Variants in TMEM116 observed in about 807,000 individuals in gnomAD.
The protein encoded by TMEM116 is transmembrane protein 116.
A neutral mutation model predicts 44.3 loss-of-function variants in TMEM116; 38 were observed. The ratio of observed to expected loss-of-function variants is 0.86; its 90% CI spans 0.66 to 1.12. The LOEUF (loss-of-function observed/expected upper bound fraction) is 1.12, where lower values mean the gene tolerates loss of function less well. Among genes scored for constraint, TMEM116 ranks in the 50% most tolerant of loss-of-function variants. TMEM116 has a pLI of 0.00. For missense variants in TMEM116, 354 were observed against 401.7 expected, an observed-to-expected ratio of 0.88 and a Z score of 1.01; for synonymous variants, 132 against 144.8, an observed-to-expected ratio of 0.91 and a Z score of 0.64.
chr12:111,994,649 A>T (rs1201425147), intron 3 of TMEM116, among the ~76,000 whole-genome samples: 2 of 152,228 alleles, frequency 1.3e-5, no homozygotes, highest in Non-Finnish European at 2.9e-5. Flanking sequence ...AATTTACAAC[A>T]TAGTGTGTGT....
At chr12:111,950,386 A>G (rs1389527957) in intron 4 of TMEM116, among the ~76,000 whole-genome samples, 1 of 151,122 alleles carries the variant, frequency 6.6e-6, no homozygotes, top group African/African-American at 2.4e-5. Context: ...GCTTATGCCT[A>G]CCTCTTTCAC....
chr12:111,968,479 C>G (rs2075112573), intron 4 of TMEM116, among the ~76,000 whole-genome samples: 1 of 151,988 alleles, frequency 6.6e-6, no homozygotes, highest in South Asian at 2.1e-4. Flanking sequence ...ATCTAGCACC[C>G]AAGAAGATAA....
intron 4 of TMEM116, among the ~76,000 whole-genome samples, chr12:111,960,591 G>A (rs577744029): frequency 2.6e-4 from 38 of 148,654 alleles, no homozygotes; most frequent in Non-Finnish European, 4.3e-4. Context: ...GGTAAATAAC[G>A]AAATTAAGGA....
At chr12:111,961,820 G>C (rs1423072432) in intron 4 of TMEM116, among the ~76,000 whole-genome samples, 1 of 152,130 alleles carries the variant, frequency 6.6e-6, no homozygotes, top group Non-Finnish European at 1.5e-5. Context: ...TTCTGGTCAG[G>C]GCAATCAGGC....
intron 4 of TMEM116, among the ~76,000 whole-genome samples, chr12:111,974,341 G>C (rs2075538793): frequency 6.6e-6 from 1 of 152,052 alleles, no homozygotes; most frequent in Non-Finnish European, 1.5e-5. Flanking sequence ...CTGCAATCAG[G>C]CAGGGGAAAG....
chr12:111,941,396 A>G lies in TMEM116; in HGVS notation c.315+1869T>C, dbSNP rs552803499. Among the ~76,000 whole-genome samples the G allele has an allele frequency of 2.5e-3, 378 of 152,102 alleles. 4 individuals are homozygous for G. The highest frequency in any genetic ancestry group is 8.6e-3 in the African/African-American group (357 of 41,520). ...TCTCAAAAAAAAAAAAAAAAGAGTAATTATTAGTATGGAATACCCAGAGGT... is the reference window on the plus strand; with the variant it reads ...TCTCAAAAAAAAAAAAAAAAGAGTAGTTATTAGTATGGAATACCCAGAGGT... On this transcript the variant is annotated intron_variant, in intron 5 of 10. Coordinates refer to ENST00000552374, the MANE Select transcript of TMEM116 (RefSeq NM_001193531.2).
chr12:111,931,523 G>A lies in TMEM116; in HGVS notation c.*98C>T. The stretch of plus-strand genomic sequence containing the variant: ...TTTCCTTTGAGTTCTGCAGTTTAGG[G>A]CATAGTTAGAAAAGATTTAAGATGT... On this transcript the variant is annotated 3_prime_UTR_variant, in exon 11 of 11. Transcript: ENST00000552374. 2 of 1,182,224 alleles carry A rather than the reference G, an allele frequency of 1.7e-6. No individual in the cohort carries two copies. The highest frequency in any genetic ancestry group is 1.2e-6 in the Non-Finnish European group (1 of 812,528). The allele number at this position is 1,182,224 out of a possible 1,614,324, so 73.2% of individuals were successfully genotyped here.
intron 5 of TMEM116, among the ~76,000 whole-genome samples, chr12:111,943,031 C>A (rs1471746039): frequency 1.3e-5 from 2 of 151,860 alleles, no homozygotes; most frequent in East Asian, 3.9e-4. Context: ...AAGTGATCCT[C>A]CCACTTCAGC....
chr12:111,972,873 T>C (rs2075438448), intron 4 of TMEM116, among the ~76,000 whole-genome samples: 1 of 151,246 alleles, frequency 6.6e-6, no homozygotes, highest in Non-Finnish European at 1.5e-5. Flanking sequence ...CAAGACTCTG[T>C]CTCAAAAAGA....
At chr12:111,994,329 C>T (rs1253753799) in intron 3 of TMEM116, among the ~76,000 whole-genome samples, 3 of 152,018 alleles carry the variant, frequency 2.0e-5, no homozygotes, top group African/African-American at 7.2e-5. Context: ...TAAGACTTAT[C>T]GTGGGATCTG....
At chr12:111,933,492 T>C (rs546309031) in intron 9 of TMEM116, among the ~76,000 whole-genome samples, 7 of 147,574 alleles carry the variant, frequency 4.7e-5, no homozygotes, top group South Asian at 4.3e-4. Flanking sequence ...CATCCTTCTT[T>C]TTTTTTTTTT....
intron 6 of TMEM116, 63 bp downstream of exon 6, chr12:111,938,098 C>G: frequency 2.6e-6 from 3 of 1,153,630 alleles, no homozygotes; most frequent in Non-Finnish European, 3.8e-6. Context: ...CCTATTTGTT[C>G]CCACCTGAAC....
chr12:112,009,441 T>C (rs1175017979), intron 1 of TMEM116, among the ~76,000 whole-genome samples: 3 of 151,798 alleles, frequency 2.0e-5, no homozygotes, highest in African/African-American at 4.8e-5. Context: ...GATCTTAGTA[T>C]TGATCCCAAA....
intron 4 of TMEM116, among the ~76,000 whole-genome samples, chr12:111,953,503 C>A (rs1258390487): frequency 6.6e-6 from 1 of 152,144 alleles, no homozygotes; most frequent in Non-Finnish European, 1.5e-5. Flanking sequence ...GGTTCTCATG[C>A]ACATATGCCT....
rs878974220 is a variant in TMEM116, at chr12:111,985,302, G to A, written c.210+6456C>T. On this transcript the variant is annotated intron_variant, in intron 4 of 10. Coordinates refer to ENST00000552374, the MANE Select transcript of TMEM116 (RefSeq NM_001193531.2). ...TACACACACACACACACACACACAC[G>A]CAACTGTTCAAACAAATAATAGAAT... is the stretch of plus-strand genomic sequence containing the variant. Among the ~76,000 whole-genome samples the A allele has an allele frequency of 4.6e-4, 68 of 147,538 alleles. 1 individual carries two copies. The highest frequency in any genetic ancestry group is 3.5e-3 in the Middle Eastern group (1 of 286).
At chr12:111,966,402 A>G (rs1456589881) in intron 4 of TMEM116, among the ~76,000 whole-genome samples, 1 of 152,204 alleles carries the variant, frequency 6.6e-6, no homozygotes, top group Non-Finnish European at 1.5e-5. Context: ...ATTCTGTAAA[A>G]CTGATGCCTG....
intron 6 of TMEM116, among the ~76,000 whole-genome samples, 180 bp from the exon 7 acceptor site, chr12:111,937,423 C>A (rs1172184753): frequency 6.6e-6 from 1 of 152,050 alleles, no homozygotes; most frequent in Non-Finnish European, 1.5e-5. Flanking sequence ...TTTCCAGTTC[C>A]TAGGGAAGTA....
intron 4 of TMEM116, among the ~76,000 whole-genome samples, chr12:111,980,099 A>C (rs902805571): frequency 2.0e-5 from 3 of 152,234 alleles, no homozygotes; most frequent in African/African-American, 7.2e-5. Context: ...TTGAACTGAA[A>C]ACTTATGTCC....
At chr12:111,944,652 G>GGA (rs1023827481) in intron 4 of TMEM116, among the ~76,000 whole-genome samples, 15 of 152,146 alleles carry the variant, frequency 9.9e-5, no homozygotes, top group Admixed American at 6.6e-5. Context: ...ACAATGCTCA[G>GGA]GAGAGCTGCA....
Sources: allele counts gnomAD v4.1 joint callset (sites outside exome capture counted in the v4.1 genomes callset), GRCh38; gene constraint gnomAD v4.1.1; transcripts MANE v1.5; gene names NCBI Gene and HGNC (gene_info 2026-07-23, HGNC 2026-07-21).